The following MSH4 variants were observed in gnomAD, a reference collection of about 807,000 sequenced individuals.
MSH4 encodes the protein mutS homolog 4.
In MSH4, 106 loss-of-function variants were observed where a neutral mutation model predicts 113.7. That is an observed-to-expected ratio of 0.93 (90% CI 0.80 to 1.10). The LOEUF is 1.10. MSH4 is among the 50% of genes least tolerant of loss of function. MSH4 has a pLI of 0.00. For missense variants in MSH4, 1,061 were observed against 1,093.7 expected (o/e 0.97, Z 0.42); for synonymous variants, 368 against 380.2 (o/e 0.97, Z 0.37).
intron 2 of MSH4, among the ~76,000 whole-genome samples, chr1:75,806,748 T>A (rs1296412886): frequency 6.6e-6 from 1 of 152,130 alleles, no homozygotes; most frequent in East Asian, 1.9e-4. Context: ...TGCTCTTCCA[T>A]GTAAATTTTG....
intron 7 of MSH4, among the ~76,000 whole-genome samples, chr1:75,828,141 A>C (rs1354218637): frequency 6.6e-6 from 1 of 152,212 alleles, no homozygotes; most frequent in Non-Finnish European, 1.5e-5. Context: ...AGCTATTATT[A>C]AAAAGTCAAA....
chr1:75,858,481 G>A (rs1651375330), intron 8 of MSH4, among the ~76,000 whole-genome samples: 1 of 152,184 alleles, frequency 6.6e-6, no homozygotes, highest in African/African-American at 2.4e-5. Flanking sequence ...ATGAAATGCT[G>A]TTGAATTTTC....
chr1:75,875,539 T>A (rs1428958484), intron 9 of MSH4, among the ~76,000 whole-genome samples: 3 of 152,196 alleles, frequency 2.0e-5, no homozygotes, highest in Non-Finnish European at 4.4e-5. Context: ...AGAGGAAACA[T>A]TTCTAAAAGC....
intron 1 of MSH4, 30 bp downstream of exon 1, chr1:75,797,259 T>C (rs1156878093): frequency 1.9e-6 from 3 of 1,582,856 alleles, no homozygotes; most frequent in Non-Finnish European, 2.6e-6. Flanking sequence ...AGGAGTCTCC[T>C]TGAGGCTAGA....
intron 2 of MSH4, among the ~76,000 whole-genome samples, chr1:75,805,799 C>T (rs1323841917): frequency 6.6e-6 from 1 of 152,126 alleles, no homozygotes; most frequent in Non-Finnish European, 1.5e-5. Context: ...ACTCTATCCT[C>T]ATCATTACTA....
chr1:75,808,772 T>G (rs1199112533), intron 3 of MSH4, among the ~76,000 whole-genome samples: 5 of 152,178 alleles, frequency 3.3e-5, no homozygotes, highest in Admixed American at 2.6e-4. Context: ...CAGTCAGAAT[T>G]TAGCCTCTTA....
intron 7 of MSH4, among the ~76,000 whole-genome samples, chr1:75,832,878 A>G (rs532546338): frequency 1.2e-4 from 19 of 152,188 alleles, no homozygotes; most frequent in Non-Finnish European, 1.5e-4. Flanking sequence ...CTGGCACAAG[A>G]CAGGGATGCC....
intron 9 of MSH4, among the ~76,000 whole-genome samples, chr1:75,875,065 T>C (rs1570981272): frequency 6.6e-6 from 1 of 152,166 alleles, no homozygotes; most frequent in East Asian, 1.9e-4. Flanking sequence ...GCTAATTGTT[T>C]GTCTTTTTGA....
intron 8 of MSH4, among the ~76,000 whole-genome samples, chr1:75,859,935 C>G (rs1183609077): frequency 6.6e-6 from 1 of 151,808 alleles, no homozygotes; most frequent in Non-Finnish European, 1.5e-5. Context: ...CTTTATGAAT[C>G]TGGGTGCTCC....
chr1:75,852,087 T>C (rs2100548840), intron 8 of MSH4, among the ~76,000 whole-genome samples: 1 of 152,344 alleles, frequency 6.6e-6, no homozygotes, highest in South Asian at 2.1e-4. Flanking sequence ...TGTCTGTCTC[T>C]ACAGATTTGC....
intron 15 of MSH4, among the ~76,000 whole-genome samples, chr1:75,886,501 GTATTATATATAATA>G (rs1346295999): frequency 5.1e-5 from 5 of 98,370 alleles, no homozygotes; most frequent in African/African-American, 7.9e-5. Flanking sequence ...TATATATGAT[GTATTATATATAATA>G]TATATGATGT....
chr1:75,887,735 C>G (rs1055364780), intron 15 of MSH4, among the ~76,000 whole-genome samples: 3 of 152,062 alleles, frequency 2.0e-5, no homozygotes, highest in Non-Finnish European at 4.4e-5. Context: ...CAAATTGTCC[C>G]CACCCTTCTC....
chr1:75,838,266 A>T (rs181852181), intron 7 of MSH4, among the ~76,000 whole-genome samples: 1 of 152,202 alleles, frequency 6.6e-6, no homozygotes, highest in East Asian at 1.9e-4. Context: ...CTATCTTTAA[A>T]GCCAGAAGTA....
At chr1:75,907,660 A>ATCTCTC (rs138292747) in intron 19 of MSH4, among the ~76,000 whole-genome samples, 26,441 of 92,460 alleles carry the variant, frequency 0.29, 5,215 homozygotes, top group East Asian at 0.71. Flanking sequence ...TCCACGGTGT[A>ATCTCTC]TCTCTCTCTC....
Position 75,808,946 on chromosome 1 carries a change from A to C in MSH4, c.589-1751A>C, listed in dbSNP as rs138503126. Among the ~76,000 whole-genome samples the C allele has an allele frequency of 1.2e-4, 19 of 152,152 alleles. No individual in the cohort carries two copies. In the East Asian group the frequency reaches 3.7e-3, roughly 29 times the overall value. ...CAATTATTATTTTATTTTATTTTTA[A>C]AAGGTCTTGCTCTTTTGCCTAGGCT... On this transcript the variant is annotated intron_variant, in intron 3 of 19. Transcript: ENST00000263187.
chr1:75,864,523 T>C (rs1206179893), intron 8 of MSH4, among the ~76,000 whole-genome samples: 1 of 152,226 alleles, frequency 6.6e-6, no homozygotes, highest in Non-Finnish European at 1.5e-5. Context: ...CTGATATTAC[T>C]GGTTTTAAAA....
intron 19 of MSH4, among the ~76,000 whole-genome samples, chr1:75,903,584 G>T (rs1652557676): frequency 6.6e-6 from 1 of 151,986 alleles, no homozygotes; most frequent in African/African-American, 2.4e-5. Context: ...TTTTGATAGG[G>T]ATTGTATTGA....
intron 7 of MSH4, among the ~76,000 whole-genome samples, chr1:75,832,148 C>T (rs1344997649): frequency 1.3e-5 from 2 of 152,138 alleles, no homozygotes; most frequent in Admixed American, 6.5e-5. Flanking sequence ...GCAGAGAATA[C>T]TATAAACACC....
rs776214801 is a variant in MSH4 at position 75,898,089 on chromosome 1, A to G, written c.2530+8A>G. On this transcript the variant is annotated splice_region_variant and intron_variant, in intron 18 of 19. Coordinates refer to ENST00000263187, the MANE Select transcript of MSH4 (RefSeq NM_002440.4). ...CAGAAGAGAAAAATTATGGTACTGC[A>G]TATAGAAATTATACCTATACATTCA... The G allele has an allele frequency of 3.1e-5, 47 of 1,538,480 alleles. No homozygotes were observed. Among genetic ancestry groups the G allele is most frequent in the Middle Eastern group, 3.8e-4 (2 of 5,222 alleles).
Sources: gnomAD v4.1 joint callset for allele counts (sites outside exome capture counted in the v4.1 genomes callset) on GRCh38, gnomAD v4.1.1 for gene constraint, MANE v1.5 for transcripts, NCBI Gene and HGNC (gene_info 2026-07-23, HGNC 2026-07-21) for gene names.